The following PTPRN2 variants were observed in gnomAD, a reference collection of about 807,000 sequenced individuals.
The protein encoded by PTPRN2 is protein tyrosine phosphatase receptor type N2.
PTPRN2 carries 74 observed loss-of-function variants against 118.8 expected under a neutral mutation model. That is an observed-to-expected ratio of 0.62 (90% CI 0.52 to 0.76). The LOEUF is 0.76. Among genes scored for constraint, PTPRN2 ranks in the 30% least tolerant of loss-of-function variants. The probability of loss-of-function intolerance (pLI) is 0.00; values close to 1 mark genes in which losing one functional copy is unlikely to be tolerated. For missense variants in PTPRN2, 1,481 were observed against 1,394.4 expected, an observed-to-expected ratio of 1.06 and a Z score of -0.99; for synonymous variants, 641 against 608.0, an observed-to-expected ratio of 1.05 and a Z score of -0.80.
At chr7:158,393,396 T>A (rs1812091210) in intron 2 of PTPRN2, among the ~76,000 whole-genome samples, 1 of 152,206 alleles carries the variant, frequency 6.6e-6, no homozygotes, top group African/African-American at 2.4e-5. Flanking sequence ...TCGGAGGGAC[T>A]TCGCTCTGGG....
At chr7:158,080,243 T>A (rs73748026) in intron 11 of PTPRN2, among the ~76,000 whole-genome samples, 2,337 of 139,012 alleles carry the variant, frequency 0.017, 63 homozygotes, top group African/African-American at 0.061. Context: ...GAGAACTAAG[T>A]ATTGAAATCC....
intron 12 of PTPRN2, among the ~76,000 whole-genome samples, chr7:157,751,419 T>C (rs1400155375): frequency 2.0e-5 from 3 of 152,104 alleles, no homozygotes; most frequent in African/African-American, 7.2e-5. Context: ...AAATGTCAGA[T>C]GTAATTTAGC....
Position 157,540,169 on chromosome 7 carries a change from G to T in PTPRN2, c.*545C>A, listed in dbSNP as rs991632616. The stretch of plus-strand genomic sequence containing the variant: ...GGCGCAGTGTTGATGGAGACGCAGC[G>T]AGGAGCTGTGATTGTCTCACTTGCC... On this transcript the variant is annotated 3_prime_UTR_variant, in exon 23 of 23. Coordinates refer to ENST00000389418, the MANE Select transcript of PTPRN2 (RefSeq NM_002847.5). 6.6e-6 allele frequency: 1 copy of T among 152,384 alleles called. No individual in the cohort carries two copies. The highest frequency in any genetic ancestry group is 2.4e-5 in the African/African-American group (1 of 41,430). 9.4% of individuals were successfully genotyped at this position (152,384 alleles called of 1,614,324 possible).
At chr7:157,840,776 G>A (rs565202466) in intron 12 of PTPRN2, among the ~76,000 whole-genome samples, 1 of 152,356 alleles carries the variant, frequency 6.6e-6, no homozygotes, top group African/African-American at 2.4e-5. Context: ...GCAGTCAGGG[G>A]GACAGGTTGT....
At position 157,656,848 on chromosome 7, in the gene PTPRN2, AC is replaced by A. The variant is rs1293284526; in HGVS notation, c.2002-298del. On this transcript the variant is annotated intron_variant, in intron 13 of 22. Coordinates refer to ENST00000389418, the MANE Select transcript of PTPRN2 (RefSeq NM_002847.5). ...ACACACATATACACACACACACCAC[AC>A]ACACACACACATCACACATATATAC... 3.2e-5 allele frequency among the ~76,000 whole-genome samples: 4 copies of A among 124,326 alleles called. 1 individual carries two copies. Among genetic ancestry groups the A allele is most frequent in the African/African-American group, 1.1e-4 (4 of 36,630 alleles). 81.6% of individuals were successfully genotyped at this position (124,326 alleles called of 152,430 possible).
intron 3 of PTPRN2, among the ~76,000 whole-genome samples, chr7:158,227,196 C>G (rs1052378701): frequency 6.6e-6 from 1 of 152,002 alleles, no homozygotes; most frequent in African/African-American, 2.4e-5. Context: ...GGGATAGATC[C>G]TCCATCTGTT....
At chr7:157,967,690 GT>G (rs1802045351) in intron 11 of PTPRN2, among the ~76,000 whole-genome samples, 1 of 152,208 alleles carries the variant, frequency 6.6e-6, no homozygotes, top group South Asian at 2.1e-4. Context: ...TGTATGTGCA[GT>G]TTACTGAGAG....
intron 21 of PTPRN2, among the ~76,000 whole-genome samples, chr7:157,549,378 T>C (rs193131385): frequency 9.6e-4 from 146 of 151,656 alleles, no homozygotes; most frequent in African/African-American, 3.4e-3. Context: ...GGGAGCCATA[T>C]ACGAACTTTA....
intron 3 of PTPRN2, among the ~76,000 whole-genome samples, chr7:158,262,534 TAC>T (rs1350310826): frequency 3.9e-5 from 4 of 101,510 alleles, no homozygotes; most frequent in Admixed American, 9.9e-5. Context: ...ACTGCACACA[TAC>T]ACACATTCAC....
chr7:157,612,643 C>A (rs57778082), intron 15 of PTPRN2, among the ~76,000 whole-genome samples: 11,510 of 152,260 alleles, frequency 0.076, 566 homozygotes, highest in East Asian at 0.25. Flanking sequence ...CCTCTGACCC[C>A]ACAGCACGGG....
chr7:157,648,747 G>C (rs1334896471), intron 14 of PTPRN2, among the ~76,000 whole-genome samples: 107 of 121,360 alleles, frequency 8.8e-4, no homozygotes, highest in Middle Eastern at 7.2e-3. Context: ...GACCCATCCA[G>C]TGTGCACTGA....
intron 12 of PTPRN2, among the ~76,000 whole-genome samples, chr7:157,825,918 T>C (rs1290482848): frequency 6.6e-6 from 1 of 152,218 alleles, no homozygotes; most frequent in Non-Finnish European, 1.5e-5. Flanking sequence ...TTAGGGGTGC[T>C]TGAAAAGTTA....
intron 2 of PTPRN2, among the ~76,000 whole-genome samples, chr7:158,417,427 A>G (rs1193225204): frequency 6.7e-6 from 1 of 150,370 alleles, no homozygotes; most frequent in African/African-American, 2.5e-5. Context: ...GGTGAACTAC[A>G]TCGAGATGCT....
At chr7:158,431,401 CA>C (rs1816167499) in intron 2 of PTPRN2, among the ~76,000 whole-genome samples, 1 of 148,800 alleles carries the variant, frequency 6.7e-6, no homozygotes, top group African/African-American at 2.5e-5. Context: ...ACCTCGAGCA[CA>C]CAATGGCTCA....
At chr7:158,444,489 G>C (rs1036540940) in intron 2 of PTPRN2, among the ~76,000 whole-genome samples, 3 of 152,242 alleles carry the variant, frequency 2.0e-5, no homozygotes, top group Admixed American at 2.0e-4. Context: ...CCTCCCGGCT[G>C]GGGGCAGGAA....
Position 157,784,383 on chromosome 7 carries a change from A to T in PTPRN2, c.1789-101446T>A, listed in dbSNP as rs1346922048. Among the ~76,000 whole-genome samples the T allele has an allele frequency of 6.6e-6, 1 of 152,048 alleles. No individual in the cohort carries two copies. Among genetic ancestry groups the T allele is most frequent in the African/African-American group, 2.4e-5 (1 of 41,420 alleles). On this transcript the variant is annotated intron_variant, in intron 12 of 22. Coordinates refer to ENST00000389418, the MANE Select transcript of PTPRN2 (RefSeq NM_002847.5). The surrounding 1 kb of genome is among the most constrained non-coding windows in gnomAD (Gnocchi z 4.6). ...ACCCGGGGCTCGTTTGCTGCTTCAC[A>T]CTGGAGGAGGTGCTCCTAGCAAGAT... is the stretch of plus-strand genomic sequence containing the variant.
In PTPRN2 at chr7:157,621,447, G is replaced by A. The variant is rs77143062; in HGVS notation, c.2259C>T (p.Cys753=). ...AGCTGTTGGGCTCCGCCTGGTAGGCGCACAGCGCTTCCCACTCCTTCTCCA... is the reference window on the plus strand; with the variant it reads ...AGCTGTTGGGCTCCGCCTGGTAGGCACACAGCGCTTCCCACTCCTTCTCCA... ...NRLEKEWEAL[C]AYQAEPNSSF... The change falls in exon 15 of 23, where the codon TGC becomes TGT. Residue 753 remains cysteine, a synonymous_variant. Transcript: ENST00000389418. 29 of 1,613,866 alleles carry A rather than the reference G, an allele frequency of 1.8e-5. No homozygotes were observed. In the South Asian group the frequency reaches 2.6e-4, roughly 15 times the overall value.
intron 12 of PTPRN2, among the ~76,000 whole-genome samples, chr7:157,771,716 AAC>A (rs1182812078): frequency 2.7e-5 from 4 of 150,590 alleles, no homozygotes; most frequent in African/African-American, 4.9e-5. Flanking sequence ...GACACACACG[AAC>A]ACACACAGAC....
chr7:158,144,968 G>GAAAGAAGGTTC (rs1819764183), intron 6 of PTPRN2, among the ~76,000 whole-genome samples: 2 of 141,094 alleles, frequency 1.4e-5, no homozygotes, highest in Admixed American at 7.0e-5. Flanking sequence ...TCACATCATC[G>GAAAGAAGGTTC]CAAGAAGGTT....
Sources: gnomAD v4.1 joint callset for allele counts (sites outside exome capture counted in the v4.1 genomes callset) on GRCh38, gnomAD v4.1.1 for gene constraint, Gnocchi (gnomAD v3.1) non-coding constraint, MANE v1.5 for transcripts, NCBI Gene and HGNC (gene_info 2026-07-23, HGNC 2026-07-21) for gene names.